SSH2: variants seen among roughly 807,000 people sequenced by gnomAD.
SSH2 encodes slingshot protein phosphatase 2.
In SSH2, 37 loss-of-function variants were observed where a neutral mutation model predicts 135.2. That is an observed-to-expected ratio of 0.27 (90% CI 0.21 to 0.36). The LOEUF is 0.36. Ranked by LOEUF, SSH2 falls within the 10% of genes least tolerant of loss-of-function variation. SSH2 has a pLI of 1.00. For missense variants in SSH2, 1,408 were observed against 1,765.3 expected (o/e 0.80, Z 3.63); for synonymous variants, 628 against 646.2 (o/e 0.97, Z 0.43).
intron 11 of SSH2, among the ~76,000 whole-genome samples, chr17:29,656,077 A>G (rs1446240275): frequency 6.6e-6 from 1 of 152,254 alleles, no homozygotes; most frequent in Non-Finnish European, 1.5e-5. Flanking sequence ...CACCTTGCAC[A>G]GTGCCTGGCA....
intron 3 of SSH2, among the ~76,000 whole-genome samples, chr17:29,770,347 G>C (rs1420333328): frequency 3.3e-5 from 5 of 152,042 alleles, no homozygotes; most frequent in African/African-American, 1.2e-4. Flanking sequence ...GACCTCCAGT[G>C]ATCTGCCTGC....
At chr17:29,744,881 G>GTGTGTGTGTGTGTGTGTGTT (rs1567940516) in intron 3 of SSH2, among the ~76,000 whole-genome samples, 4 of 151,098 alleles carry the variant, frequency 2.6e-5, no homozygotes, top group African/African-American at 9.8e-5. Flanking sequence ...GTGTGTGTGT[G>GTGTGTGTGTGTGTGTGTGTT]TGTGTGTGTG....
intron 2 of SSH2, among the ~76,000 whole-genome samples, chr17:29,833,661 T>G (rs1020321114): frequency 1.3e-5 from 2 of 150,560 alleles, no homozygotes; most frequent in Non-Finnish European, 3.0e-5. Flanking sequence ...CCTTCCTTCC[T>G]TCCTTCCTTC....
intron 2 of SSH2, among the ~76,000 whole-genome samples, chr17:29,842,990 A>G (rs1031139124): frequency 6.6e-6 from 1 of 152,098 alleles, no homozygotes; most frequent in African/African-American, 2.4e-5. Flanking sequence ...CCCTTTTTCT[A>G]TTTGTGTATG....
intron 11 of SSH2, among the ~76,000 whole-genome samples, chr17:29,664,184 C>T (rs9902242): frequency 3.1e-3 from 464 of 152,032 alleles, no homozygotes; most frequent in African/African-American, 0.011. Flanking sequence ...CCAGTCTGGC[C>T]GACATAATGA....
intron 15 of SSH2, among the ~76,000 whole-genome samples, chr17:29,635,712 T>C (rs2035888396): frequency 6.6e-6 from 1 of 152,194 alleles, no homozygotes; most frequent in South Asian, 2.1e-4. Context: ...CTGGTCATCT[T>C]TGGACTTCTC....
chr17:29,630,265 C>T lies in SSH2; in HGVS notation c.*576G>A, dbSNP rs1043638915. ...ATTATCATGTCTTACTGTAACGATACACTCTGGAACACCGGAAGACCCTCT... is the reference window on the plus strand; with the variant it reads ...ATTATCATGTCTTACTGTAACGATATACTCTGGAACACCGGAAGACCCTCT... On this transcript the variant is annotated 3_prime_UTR_variant, in exon 16 of 16. Transcript: ENST00000540801. 1 of 152,168 alleles carries T rather than the reference C, an allele frequency of 6.6e-6. No individual in the cohort carries two copies. Among genetic ancestry groups the T allele is most frequent in the Non-Finnish European group, 1.5e-5 (1 of 68,032 alleles). The allele number at this position is 152,168 out of a possible 1,614,324, so 9.4% of individuals were successfully genotyped here. A position where few individuals can be genotyped will look rare whatever the true frequency, so the allele number is the denominator to read the frequency against.
chr17:29,930,104 A>G lies in SSH2; in HGVS notation c.-104T>C, dbSNP rs1471361273. The G allele has an allele frequency of 9.7e-7, 1 of 1,030,350 alleles. No individual in the cohort carries two copies. Among genetic ancestry groups the G allele is most frequent in the Non-Finnish European group, 1.4e-6 (1 of 701,090 alleles). 63.8% of individuals were successfully genotyped at this position (1,030,350 alleles called of 1,614,324 possible). A position where few individuals can be genotyped will look rare whatever the true frequency, so the allele number is the denominator to read the frequency against. ...GGGAAAGGGGTGCGGGGTGGGGGTG[A>G]AGGGAACGGGGAGGAGGAGGAGGCC... On this transcript the variant is annotated 5_prime_UTR_variant, in exon 1 of 16. Coordinates refer to ENST00000540801, the MANE Select transcript of SSH2 (RefSeq NM_001282129.2).
At chr17:29,755,667 C>CTT (rs540804204) in intron 3 of SSH2, among the ~76,000 whole-genome samples, 1 of 143,914 alleles carries the variant, frequency 6.9e-6, no homozygotes, top group African/African-American at 2.5e-5. Context: ...TTTTCTTTTT[C>CTT]TTTTTTTTTT....
chr17:29,648,111 AGGAG>A, intron 14 of SSH2, 29 bp downstream of exon 14: 1 of 1,600,118 alleles, frequency 6.2e-7, no homozygotes, highest in Middle Eastern at 2.0e-4. Context: ...GGAACTTAAA[AGGAG>A]GGAGAATTGG....
intron 1 of SSH2, among the ~76,000 whole-genome samples, chr17:29,920,191 G>A (rs533918372): frequency 5.9e-5 from 9 of 152,168 alleles, no homozygotes; most frequent in Admixed American, 1.3e-4. Flanking sequence ...ATGAGCCACC[G>A]CGCCCAGCTA....
rs1037846092 is a variant in SSH2 at position 29,848,711 on chromosome 17, C to T, written c.144+138G>A. On this transcript the variant is annotated intron_variant, in intron 2 of 15. Coordinates refer to ENST00000540801, the MANE Select transcript of SSH2 (RefSeq NM_001282129.2). ...ACACTCATTCTAAGCCACCTATTTG[C>T]CTTCCCAGACATTTGGCTGAATGGG... 655 of 530,490 alleles carry T rather than the reference C, an allele frequency of 1.2e-3. 1 individual carries two copies. Among genetic ancestry groups the T allele is most frequent in the Non-Finnish European group, 1.8e-3 (542 of 302,700 alleles). 32.9% of individuals were successfully genotyped at this position (530,490 alleles called of 1,614,324 possible). A position where few individuals can be genotyped will look rare whatever the true frequency, so the allele number is the denominator to read the frequency against.
chr17:29,891,761 G>C (rs1388777516), intron 1 of SSH2, among the ~76,000 whole-genome samples: 2 of 152,094 alleles, frequency 1.3e-5, no homozygotes, highest in African/African-American at 4.8e-5. Flanking sequence ...ATTATATAGT[G>C]ACCCACTATA....
chr17:29,770,092 G>GTTTTTTTT (rs563803251), intron 3 of SSH2, among the ~76,000 whole-genome samples: 1 of 72,922 alleles, frequency 1.4e-5, no homozygotes, highest in African/African-American at 4.7e-5. Flanking sequence ...GCTATATTTA[G>GTTTTTTTT]TTTTTTTTTT....
chr17:29,816,600 C>A (rs546292851), intron 2 of SSH2, among the ~76,000 whole-genome samples: 2 of 152,066 alleles, frequency 1.3e-5, no homozygotes, highest in South Asian at 4.1e-4. Flanking sequence ...CTTAAGATTC[C>A]TAGGTCTAAT....
rs150301460 is a variant in SSH2 at position 29,631,317 on chromosome 17, A to G, written c.3877T>C (p.Leu1293=). Residue 1293 remains leucine, a synonymous_variant, in exon 16 of 16, where the codon TTG becomes CTG. Coordinates refer to ENST00000540801, the MANE Select transcript of SSH2 (RefSeq NM_001282129.2). The part of the protein sequence containing the change: ...RSASLAKLGY[L]DLCKDCLPER... ...GGTAAGCAGTCTTTACAGAGGTCCA[A>G]GTAACCTAATTTGGCGAGAGAAGCT... 2,955 of 1,614,122 alleles carry G rather than the reference A, an allele frequency of 1.8e-3. 1 individual carries two copies. The highest frequency in any genetic ancestry group is 2.3e-3 in the Non-Finnish European group (2,719 of 1,180,020).
At chr17:29,704,418 T>C (rs1374681052) in intron 3 of SSH2, among the ~76,000 whole-genome samples, 3 of 152,110 alleles carry the variant, frequency 2.0e-5, no homozygotes, top group Non-Finnish European at 4.4e-5. Context: ...ATACAATTAC[T>C]GGTCTGGTCA....
chr17:29,827,263 T>C (rs1344170034), intron 2 of SSH2, among the ~76,000 whole-genome samples: 1 of 152,220 alleles, frequency 6.6e-6, no homozygotes, highest in Non-Finnish European at 1.5e-5. Flanking sequence ...GAGATGCTTA[T>C]ATAAATGATA....
At chr17:29,731,418 TTTA>T (rs1487783432) in intron 3 of SSH2, among the ~76,000 whole-genome samples, 36 of 1,156 alleles carry the variant, frequency 0.031, no homozygotes, top group African/African-American at 0.058. Flanking sequence ...AGAAGTATTT[TTTA>T]TTTATTTATT....
Sources: gnomAD v4.1 joint callset for allele counts (sites outside exome capture counted in the v4.1 genomes callset) on GRCh38, gnomAD v4.1.1 for gene constraint, MANE v1.5 for transcripts, NCBI Gene and HGNC (gene_info 2026-07-23, HGNC 2026-07-21) for gene names.